NDUFAF6: variants seen among roughly 807,000 people sequenced by gnomAD.
NDUFAF6 encodes NADH dehydrogenase (ubiquinone) complex I, assembly factor 6.
Under a neutral mutation model 40.8 loss-of-function variants are expected in NDUFAF6, and 45 were observed. The ratio of observed to expected loss-of-function variants is 1.10; its 90% CI spans 0.87 to 1.42. The LOEUF is 1.42. Among genes scored for constraint, NDUFAF6 ranks in the 40% most tolerant of loss-of-function variants. The probability of loss-of-function intolerance (pLI) is 0.00; values close to 1 mark genes in which losing one functional copy is unlikely to be tolerated. For synonymous variants in NDUFAF6, 185 were observed against 155.9 expected (o/e 1.19, Z -1.39); for missense variants, 435 against 418.5 (o/e 1.04, Z -0.34).
At chr8:95,065,907 G>A (rs1832692263) in intron 9 of NDUFAF6, among the ~76,000 whole-genome samples, 1 of 152,072 alleles carries the variant, frequency 6.6e-6, no homozygotes. Flanking sequence ...TTGTCCCCTT[G>A]AAGTTTATAA....
At chr8:94,991,049 A>G (rs908703393) in intron 2 of NDUFAF6, among the ~76,000 whole-genome samples, 1 of 152,190 alleles carries the variant, frequency 6.6e-6, no homozygotes. Flanking sequence ...AGTATACCCT[A>G]AACTTCAAAA....
At chr8:94,901,082 C>T (rs771643979) in intron 1 of NDUFAF6, among the ~76,000 whole-genome samples, 8 of 152,102 alleles carry the variant, frequency 5.3e-5, no homozygotes, top group Non-Finnish European at 8.8e-5. Flanking sequence ...CCTGATGAGA[C>T]ATTTGAGCAG....
rs569422782 is a variant in NDUFAF6, at chr8:94,989,708, C to T, written c.-84+8735C>T. 1.6e-4 allele frequency among the ~76,000 whole-genome samples: 25 copies of T among 152,218 alleles called. 1 individual carries two copies. Among genetic ancestry groups the T allele is most frequent in the Admixed American group, 1.4e-3 (22 of 15,284 alleles). On this transcript the variant is annotated intron_variant, in intron 2 of 9. Coordinates refer to the NDUFAF6 transcript ENST00000396111. The stretch of plus-strand genomic sequence containing the variant: ...TGACTTGGACTTTTGGGGATTATAC[C>T]TGTTCCATTGCTAAGAGAGTGATAA...
chr8:95,075,483 T>G, intron 9 of NDUFAF6: 2 of 427,046 alleles, frequency 4.7e-6, no homozygotes, highest in South Asian at 4.1e-5. Context: ...CAGACATTTA[T>G]TATTTTGTCA....
downstream of NDUFAF6, among the ~76,000 whole-genome samples, chr8:95,077,247 A>C (rs1050600389): frequency 6.6e-6 from 1 of 152,224 alleles, no homozygotes; most frequent in African/African-American, 2.4e-5. Flanking sequence ...AAATGAATAC[A>C]AGGGGCTTAC....
At chr8:95,057,513 T>C (rs1367988077) in intron 8 of NDUFAF6, among the ~76,000 whole-genome samples, 2 of 152,322 alleles carry the variant, frequency 1.3e-5, no homozygotes, top group African/African-American at 2.4e-5. Context: ...AATCTAGTAA[T>C]AAGGCCAGGC....
intron 1 of NDUFAF6, among the ~76,000 whole-genome samples, chr8:94,937,505 C>T (rs985942541): frequency 3.3e-5 from 5 of 151,614 alleles, no homozygotes; most frequent in African/African-American, 9.7e-5. Context: ...GCTGTCCCCA[C>T]AAGATTTTCC....
intron 1 of NDUFAF6, chr8:94,940,125 G>A (rs1450051520): frequency 1.2e-6 from 2 of 1,614,034 alleles, no homozygotes; most frequent in African/African-American, 1.3e-5. Context: ...AGAGATGCCG[G>A]TAAACAGGAA....
At chr8:95,018,145 ATCCC>A (rs748174624) in intron 2 of NDUFAF6, among the ~76,000 whole-genome samples, 20 of 151,306 alleles carry the variant, frequency 1.3e-4, no homozygotes, top group Non-Finnish European at 2.8e-4. Flanking sequence ...GGCTTGAAAA[ATCCC>A]TCCAACTCAG....
intron 1 of NDUFAF6, among the ~76,000 whole-genome samples, chr8:94,897,696 T>G (rs1817733900): frequency 7.3e-6 from 1 of 137,882 alleles, no homozygotes; most frequent in Non-Finnish European, 1.5e-5. Context: ...CCCATTTCTT[T>G]ATTCTGTGCC....
intron 1 of NDUFAF6, among the ~76,000 whole-genome samples, chr8:94,902,186 A>C (rs554768427): frequency 5.4e-4 from 83 of 152,314 alleles, no homozygotes; most frequent in African/African-American, 1.5e-3. Context: ...TGAGAGGCCA[A>C]GGCAGGTGGA....
At chr8:95,085,940 A>G (rs1194133355) in intron 2 of NDUFAF6, among the ~76,000 whole-genome samples, 1 of 152,142 alleles carries the variant, frequency 6.6e-6, no homozygotes, top group East Asian at 1.9e-4. Context: ...CTATTCTCCT[A>G]GTATTTGTGT....
At chr8:95,017,437 G>A (rs1297605171) in intron 2 of NDUFAF6, among the ~76,000 whole-genome samples, 3 of 152,096 alleles carry the variant, frequency 2.0e-5, no homozygotes, top group African/African-American at 7.2e-5. Context: ...CCAACTAGAA[G>A]CCAGAAGTCA....
At chr8:95,069,236 C>T (rs1563851420) in intron 9 of NDUFAF6, 2 of 151,922 alleles carry the variant, frequency 1.3e-5, no homozygotes, top group Non-Finnish European at 2.9e-5. Flanking sequence ...GAGCTTATAT[C>T]TAATGGGAGA....
chr8:95,117,333 G>GTGGATTTTAA (rs1335327800), downstream of NDUFAF6, among the ~76,000 whole-genome samples: 2 of 152,192 alleles, frequency 1.3e-5, no homozygotes, highest in Non-Finnish European at 2.9e-5. Flanking sequence ...AGGAGTGAGA[G>GTGGATTTTAA]TGGATTTTAA....
intron 4 of NDUFAF6, among the ~76,000 whole-genome samples, chr8:95,110,938 C>T (rs1017203156): frequency 1.3e-5 from 2 of 152,142 alleles, no homozygotes; most frequent in Non-Finnish European, 2.9e-5. Flanking sequence ...TGTAACTTCT[C>T]CAAGCAATGC....
intron 2 of NDUFAF6, among the ~76,000 whole-genome samples, chr8:95,088,312 G>A (rs1399930105): frequency 6.6e-6 from 1 of 152,178 alleles, no homozygotes; most frequent in African/African-American, 2.4e-5. Context: ...CCTAATGTGA[G>A]GCTGCCCTTG....
At chr8:95,116,114 G>A (rs1233777971) in intron 5 of NDUFAF6, among the ~76,000 whole-genome samples, 1 of 151,872 alleles carries the variant, frequency 6.6e-6, no homozygotes, top group Non-Finnish European at 1.5e-5. Flanking sequence ...CTCCAGCCTG[G>A]GCGAAAGAGC....
At chr8:95,031,004 C>T (rs1427513843) in intron 1 of NDUFAF6, among the ~76,000 whole-genome samples, 1 of 152,232 alleles carries the variant, frequency 6.6e-6, no homozygotes, top group Admixed American at 6.5e-5. Context: ...AATACACTCA[C>T]TTATCCCCAA....
Sources: gnomAD v4.1 joint callset for allele counts (sites outside exome capture counted in the v4.1 genomes callset) on GRCh38, gnomAD v4.1.1 for gene constraint, MANE v1.5 for transcripts, NCBI Gene and HGNC (gene_info 2026-07-23, HGNC 2026-07-21) for gene names.